Variants in KIF13B observed in about 807,000 individuals in gnomAD.
KIF13B encodes the protein kinesin-like protein KIF13B.
A neutral mutation model predicts 222.0 loss-of-function variants in KIF13B; 127 were observed. That is an observed-to-expected ratio of 0.57 (90% CI 0.50 to 0.66). The LOEUF (loss-of-function observed/expected upper bound fraction) is 0.66. Among genes scored for constraint, KIF13B ranks in the 30% least tolerant of loss-of-function variants. KIF13B has a pLI of 0.00. For synonymous variants in KIF13B, 976 were observed against 919.0 expected, an observed-to-expected ratio of 1.06 and a Z score of -1.12; for missense variants, 2,173 against 2,379.0, an observed-to-expected ratio of 0.91 and a Z score of 1.80.
intron 37 of KIF13B, among the ~76,000 whole-genome samples, chr8:29,076,401 G>T (rs1188585009): frequency 2.6e-5 from 4 of 152,240 alleles, no homozygotes; most frequent in Non-Finnish European, 5.9e-5. Flanking sequence ...CAGAGATGTG[G>T]ACTCCACGTC....
chr8:29,148,156 G>A (rs888067763), intron 16 of KIF13B, among the ~76,000 whole-genome samples: 4 of 152,220 alleles, frequency 2.6e-5, no homozygotes, highest in African/African-American at 9.7e-5. Flanking sequence ...AGGGAGCCGA[G>A]ATCGTGCCAC....
intron 2 of KIF13B, among the ~76,000 whole-genome samples, chr8:29,210,218 G>A (rs1440749008): frequency 6.6e-6 from 1 of 152,166 alleles, no homozygotes; most frequent in Non-Finnish European, 1.5e-5. Context: ...TCTAAAATGA[G>A]TTGTAAAAGT....
intron 5 of KIF13B, 86 bp from the exon 6 acceptor site, chr8:29,186,558 G>A: frequency 1.9e-6 from 2 of 1,071,404 alleles, no homozygotes; most frequent in Non-Finnish European, 2.6e-6. Flanking sequence ...ATAAACACTT[G>A]GCAAAACGCC....
chr8:29,068,688 CCT>C lies in KIF13B; in HGVS notation c.*1814_*1815del, dbSNP rs1051044426. 2.0e-5 allele frequency: 3 copies of C among 152,336 alleles called. No homozygotes were observed. The highest frequency in any genetic ancestry group is 4.4e-5 in the Non-Finnish European group (3 of 68,110). 9.4% of individuals were successfully genotyped at this position (152,336 alleles called of 1,614,324 possible). The stretch of plus-strand genomic sequence containing the variant: ...CCCACTACACGGCCCAGGCGTTTCC[CCT>C]CAGGGCAGCAGCAGTGCTGGCCTCT... On this transcript the variant is annotated 3_prime_UTR_variant, in exon 40 of 40. Coordinates refer to ENST00000524189, the MANE Select transcript of KIF13B (RefSeq NM_015254.4). The surrounding 1 kb of genome is among the most constrained non-coding windows in gnomAD (Gnocchi z 4.4).
intron 37 of KIF13B, among the ~76,000 whole-genome samples, chr8:29,077,420 A>G (rs1405883090): frequency 6.6e-6 from 1 of 152,234 alleles, no homozygotes; most frequent in Non-Finnish European, 1.5e-5. Context: ...ACGTCCCCAC[A>G]AATGGGAAGG....
chr8:29,145,128 T>C (rs1811002292), intron 18 of KIF13B, among the ~76,000 whole-genome samples: 1 of 152,250 alleles, frequency 6.6e-6, no homozygotes, highest in Non-Finnish European at 1.5e-5. Flanking sequence ...TGAGTCCTAC[T>C]GTACCCAGAC....
rs1218729286 is a variant in KIF13B at position 29,069,932 on chromosome 8, C to G, written c.*572G>C. 1.3e-5 allele frequency: 2 copies of G among 153,302 alleles called. No homozygotes were observed. Among genetic ancestry groups the G allele is most frequent in the African/African-American group, 4.8e-5 (2 of 41,340 alleles). 9.5% of individuals were successfully genotyped at this position (153,302 alleles called of 1,614,324 possible). On this transcript the variant is annotated 3_prime_UTR_variant, in exon 40 of 40. Transcript: ENST00000524189. The stretch of plus-strand genomic sequence containing the variant: ...GGGGCACCAGGACCATCTGCCAGAG[C>G]CCAGGGCCCTCCAGAGGCACTTGTG...
At chr8:29,080,388 T>C (rs9314370) in intron 37 of KIF13B, among the ~76,000 whole-genome samples, 81,397 of 144,520 alleles carry the variant, frequency 0.56, 24,666 homozygotes, top group Non-Finnish European at 0.71. Context: ...ATCTAATCAA[T>C]AGAAACACTT....
At chr8:29,221,414 G>A (rs1814745371) in intron 2 of KIF13B, among the ~76,000 whole-genome samples, 2 of 150,598 alleles carry the variant, frequency 1.3e-5, no homozygotes, top group Non-Finnish European at 3.0e-5. Flanking sequence ...GCAGTGAGCT[G>A]TGATCGTGCC....
At chr8:29,123,220 A>G (rs1049554569) in intron 28 of KIF13B, 146 bp downstream of exon 28, 5 of 917,840 alleles carry the variant, frequency 5.4e-6, no homozygotes, top group African/African-American at 5.0e-5. Flanking sequence ...ACTCATGAAA[A>G]TAATTTAACA....
chr8:29,087,345 T>C (rs1236850080), intron 37 of KIF13B, among the ~76,000 whole-genome samples: 5 of 152,164 alleles, frequency 3.3e-5, no homozygotes, highest in African/African-American at 1.2e-4. Flanking sequence ...CGCAGAGAGA[T>C]TACAGCTTTA....
At chr8:29,169,348 G>A (rs1399814044) in intron 10 of KIF13B, among the ~76,000 whole-genome samples, 2 of 152,160 alleles carry the variant, frequency 1.3e-5, no homozygotes, top group East Asian at 3.8e-4. Context: ...AGCCCAGTTA[G>A]ACTCTGCCTT....
intron 18 of KIF13B, chr8:29,146,041 G>C (rs1344537286): frequency 1.9e-6 from 1 of 519,410 alleles, no homozygotes; most frequent in Non-Finnish European, 3.4e-6. Flanking sequence ...GGGTTGTAGA[G>C]TGGTAGCATA....
chr8:29,261,366 G>C (rs1168346256), intron 1 of KIF13B, among the ~76,000 whole-genome samples: 1 of 152,174 alleles, frequency 6.6e-6, no homozygotes, highest in Non-Finnish European at 1.5e-5. Flanking sequence ...TGAAACCAAT[G>C]GGGAAAGGGA....
At chr8:29,225,167 C>A (rs911615968) in intron 2 of KIF13B, among the ~76,000 whole-genome samples, 1 of 152,084 alleles carries the variant, frequency 6.6e-6, no homozygotes, top group Non-Finnish European at 1.5e-5. Context: ...GAGAATAGCA[C>A]GACAGTGTGG....
chr8:29,107,646 G>A (rs185617705), intron 35 of KIF13B, among the ~76,000 whole-genome samples: 3 of 147,794 alleles, frequency 2.0e-5, no homozygotes, highest in East Asian at 4.2e-4. Context: ...TGCAGGCTCC[G>A]CCCCCCGGGG....
At chr8:29,262,326 G>A (rs1816707652) in intron 1 of KIF13B, among the ~76,000 whole-genome samples, 1 of 152,264 alleles carries the variant, frequency 6.6e-6, no homozygotes, top group African/African-American at 2.4e-5. Flanking sequence ...TATTTATTGA[G>A]AGATGATGAA....
At chr8:29,113,387 T>C (rs952105283) in intron 32 of KIF13B, 76 bp downstream of exon 32, 2 of 812,702 alleles carry the variant, frequency 2.5e-6, no homozygotes, top group African/African-American at 1.7e-5. Context: ...ATGTATGTCA[T>C]GGGTAGGTCA....
chr8:29,130,333 G>A (rs1292293669), intron 24 of KIF13B, among the ~76,000 whole-genome samples, 200 bp downstream of exon 24: 8 of 152,144 alleles, frequency 5.3e-5, no homozygotes, highest in Admixed American at 4.6e-4. Context: ...GCAACAAAGC[G>A]AGATCCCTGT....
Sources: allele counts gnomAD v4.1 joint callset (sites outside exome capture counted in the v4.1 genomes callset), GRCh38; gene constraint gnomAD v4.1.1; non-coding constraint Gnocchi (gnomAD v3.1); transcripts MANE v1.5; gene names NCBI Gene and HGNC (gene_info 2026-07-23, HGNC 2026-07-21).